The following GPC5 variants were observed in gnomAD, a reference collection of about 807,000 sequenced individuals.
GPC5 encodes the protein glypican-5.
Under a neutral mutation model 53.9 loss-of-function variants are expected in GPC5, and 47 were observed. That is an observed-to-expected ratio of 0.87 (90% confidence interval 0.69 to 1.11). The LOEUF (loss-of-function observed/expected upper bound fraction) is 1.11. Among genes scored for constraint, GPC5 ranks in the 50% most tolerant of loss-of-function variants. The pLI, the probability that GPC5 is intolerant of heterozygous loss-of-function variation, is 0.00. For missense variants in GPC5, 748 were observed against 713.1 expected, an observed-to-expected ratio of 1.05 and a Z score of -0.56; for synonymous variants, 286 against 263.3, an observed-to-expected ratio of 1.09 and a Z score of -0.84.
chr13:92,522,059 T>C lies in GPC5; in HGVS notation c.1562-344223T>C, dbSNP rs192842593. ...TCATCACAGAAATGCAAATCAAAAC[T>C]ACAATGAGATACCATCTCACACCAG... On this transcript the variant is annotated intron_variant, in intron 7 of 7. Coordinates refer to ENST00000377067, the MANE Select transcript of GPC5 (RefSeq NM_004466.6). 9.9e-5 allele frequency among the ~76,000 whole-genome samples: 15 copies of C among 152,078 alleles called. No individual in the cohort carries two copies. The East Asian group carries it at 2.5e-3, about 25-fold the overall frequency.
intron 2 of GPC5, among the ~76,000 whole-genome samples, chr13:91,523,857 A>G (rs1378155154): frequency 6.6e-6 from 1 of 152,122 alleles, no homozygotes; most frequent in East Asian, 1.9e-4. Context: ...TAAAGAGTGC[A>G]TAATACGAGT....
chr13:92,079,211 C>T (rs2041276012), intron 6 of GPC5, among the ~76,000 whole-genome samples: 1 of 152,064 alleles, frequency 6.6e-6, no homozygotes, highest in African/African-American at 2.4e-5. Flanking sequence ...GCCACCATGC[C>T]AAGCTAATTT....
chr13:92,856,031 C>T (rs1237260859), intron 7 of GPC5, among the ~76,000 whole-genome samples: 1 of 151,892 alleles, frequency 6.6e-6, no homozygotes, highest in Non-Finnish European at 1.5e-5. Context: ...CATTGTGATA[C>T]CAAAACCTGG....
intron 6 of GPC5, among the ~76,000 whole-genome samples, chr13:92,141,561 A>T (rs1182318208): frequency 1.3e-5 from 2 of 152,202 alleles, no homozygotes; most frequent in Non-Finnish European, 2.9e-5. Context: ...ACAATTGCCA[A>T]GCAGTAAATG....
At chr13:92,217,551 T>C (rs1566489488) in intron 7 of GPC5, among the ~76,000 whole-genome samples, 3 of 152,156 alleles carry the variant, frequency 2.0e-5, no homozygotes, top group African/African-American at 2.4e-5. Flanking sequence ...CCATCTCCAA[T>C]CTGTGGCTAC....
intron 7 of GPC5, among the ~76,000 whole-genome samples, chr13:92,564,755 G>A (rs1459378912): frequency 9.2e-5 from 14 of 151,864 alleles, no homozygotes; most frequent in African/African-American, 1.9e-4. Context: ...AGCTCACATC[G>A]GCAGGTAAGA....
At position 92,182,826 on chromosome 13, in the gene GPC5, G is replaced by A. The variant is rs192263636; in HGVS notation, c.1561+37837G>A. ...AGAGCTTGCAGTGAGCCGAGATCGT[G>A]CCACTGCACTCCAGCCTGGGCAACA... On this transcript the variant is annotated intron_variant, in intron 7 of 7. Coordinates refer to ENST00000377067, the MANE Select transcript of GPC5 (RefSeq NM_004466.6). 2.2e-3 allele frequency among the ~76,000 whole-genome samples: 326 copies of A among 151,308 alleles called. 3 individuals are homozygous for A. Among genetic ancestry groups the A allele is most frequent in the African/African-American group, 7.7e-3 (315 of 41,112 alleles).
intron 2 of GPC5, among the ~76,000 whole-genome samples, chr13:91,514,117 A>G (rs1459807669): frequency 6.6e-6 from 1 of 152,238 alleles, no homozygotes; most frequent in East Asian, 1.9e-4. Flanking sequence ...ATTAGGATAC[A>G]GGTTTTTGCA....
intron 2 of GPC5, among the ~76,000 whole-genome samples, chr13:91,643,898 A>G (rs2034494355): frequency 6.6e-6 from 1 of 152,112 alleles, no homozygotes; most frequent in South Asian, 2.1e-4. Flanking sequence ...CTGTTTGCAA[A>G]AAGGTCACAT....
chr13:92,821,728 G>T (rs1877680891), intron 7 of GPC5, among the ~76,000 whole-genome samples: 1 of 152,096 alleles, frequency 6.6e-6, no homozygotes, highest in East Asian at 1.9e-4. Context: ...ATAGCCAAAT[G>T]TTATTTCTTT....
At chr13:92,515,054 G>T (rs1267924770) in intron 7 of GPC5, among the ~76,000 whole-genome samples, 5 of 152,124 alleles carry the variant, frequency 3.3e-5, no homozygotes, top group Admixed American at 3.3e-4. Flanking sequence ...GAACCTGGAG[G>T]ATAAGTATGC....
At chr13:92,640,693 G>A (rs1341473328) in intron 7 of GPC5, among the ~76,000 whole-genome samples, 1 of 152,130 alleles carries the variant, frequency 6.6e-6, no homozygotes, top group Non-Finnish European at 1.5e-5. Context: ...GAAAGGAAGT[G>A]CTCAAGAAAA....
chr13:91,986,747 A>G (rs549335632), intron 6 of GPC5, among the ~76,000 whole-genome samples: 2 of 152,238 alleles, frequency 1.3e-5, no homozygotes, highest in South Asian at 2.1e-4. Context: ...TATGTTCTCA[A>G]TGAAATATTT....
At chr13:92,709,051 T>C (rs1346328919) in intron 7 of GPC5, among the ~76,000 whole-genome samples, 1 of 150,936 alleles carries the variant, frequency 6.6e-6, no homozygotes, top group Non-Finnish European at 1.5e-5. Flanking sequence ...TGGCTAATTT[T>C]TTTTGTTGTT....
intron 7 of GPC5, among the ~76,000 whole-genome samples, chr13:92,291,698 A>T (rs9516049): frequency 0.085 from 12,997 of 152,198 alleles, 609 homozygotes; most frequent in Middle Eastern, 0.12. Flanking sequence ...TTTGCAATAA[A>T]TCTTGCTGCT....
intron 5 of GPC5, among the ~76,000 whole-genome samples, chr13:91,790,408 A>G (rs1253672448): frequency 6.6e-6 from 1 of 152,154 alleles, no homozygotes; most frequent in Non-Finnish European, 1.5e-5. Context: ...TGCATTTACT[A>G]CTCATTAGCT....
At position 91,850,846 on chromosome 13, in the gene GPC5, G is replaced by C. The variant is rs188944280; in HGVS notation, c.1281-57091G>C. ...TTGTTTTGTGTTATTTGCATTTCCT[G>C]GTATTTATTTTTGTTTGGGGCTCTA... On this transcript the variant is annotated intron_variant, in intron 5 of 7. Coordinates refer to ENST00000377067, the MANE Select transcript of GPC5 (RefSeq NM_004466.6). 1.3e-4 allele frequency among the ~76,000 whole-genome samples: 20 copies of C among 152,010 alleles called. No homozygotes were observed. In the East Asian group the frequency reaches 3.7e-3, roughly 28 times the overall value.
intron 2 of GPC5, among the ~76,000 whole-genome samples, chr13:91,637,901 G>A (rs1228507292): frequency 6.6e-6 from 1 of 152,192 alleles, no homozygotes; most frequent in Non-Finnish European, 1.5e-5. Flanking sequence ...TGTGAAGCGG[G>A]CTGTCAGCCA....
intron 3 of GPC5, among the ~76,000 whole-genome samples, chr13:91,696,915 T>C (rs2035890586): frequency 6.6e-6 from 1 of 152,238 alleles, no homozygotes; most frequent in African/African-American, 2.4e-5. Flanking sequence ...AAATTGGATT[T>C]CACATCTGTC....
Sources: gnomAD v4.1 joint callset for allele counts (sites outside exome capture counted in the v4.1 genomes callset) on GRCh38, gnomAD v4.1.1 for gene constraint, MANE v1.5 for transcripts, NCBI Gene and HGNC (gene_info 2026-07-23, HGNC 2026-07-21) for gene names.